The following CDH12 variants were observed in gnomAD, a reference collection of about 807,000 sequenced individuals.
CDH12 encodes the protein cadherin 12.
Under a neutral mutation model 74.1 loss-of-function variants are expected in CDH12, and 41 were observed. The ratio of observed to expected loss-of-function variants is 0.55; its 90% CI spans 0.43 to 0.72. CDH12 has a LOEUF of 0.72. Ranked by LOEUF, CDH12 falls within the 30% of genes least tolerant of loss-of-function variation. The pLI is 0.00. For missense variants in CDH12, 945 were observed against 977.2 expected (o/e 0.97, Z 0.44); for synonymous variants, 399 against 355.0 (o/e 1.12, Z -1.39).
intron 10 of CDH12, among the ~76,000 whole-genome samples, chr5:21,787,970 T>C (rs1746286748): frequency 6.6e-6 from 1 of 152,186 alleles, no homozygotes; most frequent in East Asian, 1.9e-4. Context: ...AAACTCCTTA[T>C]TAACTGTAGT....
intron 3 of CDH12, among the ~76,000 whole-genome samples, chr5:22,387,156 C>T (rs529668277): frequency 6.6e-6 from 1 of 151,776 alleles, no homozygotes; most frequent in South Asian, 2.1e-4. Flanking sequence ...TTTTTCTTGC[C>T]AAAATGTTTA....
intron 5 of CDH12, among the ~76,000 whole-genome samples, chr5:22,062,827 A>T (rs1258012455): frequency 2.6e-5 from 4 of 152,176 alleles, no homozygotes; most frequent in Non-Finnish European, 5.9e-5. Flanking sequence ...AACTTGAGAC[A>T]TACTTCTATG....
intron 6 of CDH12, among the ~76,000 whole-genome samples, chr5:21,944,664 C>A (rs1480659815): frequency 1.3e-5 from 2 of 152,196 alleles, no homozygotes; most frequent in African/African-American, 4.8e-5. Context: ...TGTTCTTACA[C>A]AGCTTCTTCC....
chr5:22,740,226 C>T (rs1213017683), intron 1 of CDH12, among the ~76,000 whole-genome samples: 1 of 151,984 alleles, frequency 6.6e-6, no homozygotes, highest in Non-Finnish European at 1.5e-5. Flanking sequence ...CTCCTGATTC[C>T]TTAGTTTTAT....
intron 4 of CDH12, among the ~76,000 whole-genome samples, chr5:22,207,760 A>G (rs953410242): frequency 5.9e-5 from 9 of 152,196 alleles, no homozygotes; most frequent in African/African-American, 1.9e-4. Flanking sequence ...GTATGCCCCA[A>G]AATTCAAAAT....
intron 1 of CDH12, among the ~76,000 whole-genome samples, chr5:22,719,663 C>A (rs1743775309): frequency 6.6e-6 from 1 of 152,056 alleles, no homozygotes; most frequent in Non-Finnish European, 1.5e-5. Context: ...CAGGAGGCAG[C>A]AAGGTATTAG....
chr5:21,872,974 GA>G (rs931683026), intron 6 of CDH12, among the ~76,000 whole-genome samples: 3 of 150,330 alleles, frequency 2.0e-5, no homozygotes, highest in African/African-American at 7.3e-5. Flanking sequence ...TTAAGTAAAA[GA>G]AAAAAACATA....
rs114158950 is a variant in CDH12 at position 21,893,712 on chromosome 5, T to C, written c.527-38922A>G. On this transcript the variant is annotated intron_variant, in intron 6 of 14. Transcript: ENST00000382254. ...ATATATTTTCTTATCTACTGATATATAGAAACAAGCAAGTGCAACATTAAG... is the reference window on the plus strand; with the variant it reads ...ATATATTTTCTTATCTACTGATATACAGAAACAAGCAAGTGCAACATTAAG... Among the ~76,000 whole-genome samples, 913 of 152,328 alleles carry C rather than the reference T, an allele frequency of 6.0e-3. 3 individuals are homozygous for C. Among genetic ancestry groups the C allele is most frequent in the Non-Finnish European group, 9.4e-3 (641 of 68,018 alleles).
At chr5:22,329,877 T>C (rs982791915) in intron 3 of CDH12, among the ~76,000 whole-genome samples, 5 of 152,286 alleles carry the variant, frequency 3.3e-5, no homozygotes, top group African/African-American at 1.2e-4. Flanking sequence ...CCTGCCACTG[T>C]GGACTGAAGT....
chr5:22,253,160 AAT>A (rs1419009079), intron 3 of CDH12, among the ~76,000 whole-genome samples: 1 of 151,956 alleles, frequency 6.6e-6, no homozygotes, highest in East Asian at 1.9e-4. Context: ...TATGCAATAT[AAT>A]ATACTAATGT....
Position 22,304,207 on chromosome 5 carries a change from G to A in CDH12, c.-332-91564C>T, listed in dbSNP as rs73054002. ...CAGTTTGGAGAGTTAACGAGATGCC[G>A]TAAATAATTGTGTAGAAACCAAGGC... On this transcript the variant is annotated intron_variant, in intron 3 of 14. Transcript: ENST00000382254. Among the ~76,000 whole-genome samples, 764 of 152,206 alleles carry A rather than the reference G, an allele frequency of 5.0e-3. 8 individuals are homozygous for A. Among genetic ancestry groups the A allele is most frequent in the African/African-American group, 0.016 (646 of 41,530 alleles).
intron 1 of CDH12, among the ~76,000 whole-genome samples, chr5:22,689,992 C>T (rs1273480568): frequency 6.6e-6 from 1 of 151,952 alleles, no homozygotes; most frequent in East Asian, 1.9e-4. Flanking sequence ...TGGTATTTCA[C>T]CTGGTTTTCA....
At chr5:22,598,554 G>A (rs931752233) in intron 1 of CDH12, among the ~76,000 whole-genome samples, 14 of 152,082 alleles carry the variant, frequency 9.2e-5, no homozygotes, top group African/African-American at 3.1e-4. Context: ...AAATTACCCA[G>A]TTTGGGGTAT....
chr5:21,879,389 T>G (rs530992791), intron 6 of CDH12, among the ~76,000 whole-genome samples: 57 of 148,810 alleles, frequency 3.8e-4, no homozygotes, highest in Non-Finnish European at 6.5e-4. Flanking sequence ...CAGGGAACAG[T>G]GAACTTAACC....
intron 3 of CDH12, among the ~76,000 whole-genome samples, chr5:22,306,943 T>G (rs1257195450): frequency 3.3e-5 from 5 of 152,230 alleles, no homozygotes; most frequent in Non-Finnish European, 7.3e-5. Context: ...AGTGTTTTAT[T>G]AAGCTGCTAT....
intron 1 of CDH12, among the ~76,000 whole-genome samples, chr5:22,711,306 ATAAG>A (rs1232439665): frequency 6.6e-6 from 1 of 152,132 alleles, no homozygotes; most frequent in Non-Finnish European, 1.5e-5. Flanking sequence ...ACCAAGGTGG[ATAAG>A]TAAGTGGATA....
intron 1 of CDH12, among the ~76,000 whole-genome samples, chr5:22,676,360 A>G (rs1208768131): frequency 6.6e-6 from 1 of 152,188 alleles, no homozygotes; most frequent in Non-Finnish European, 1.5e-5. Flanking sequence ...GCTTTTGTTC[A>G]GAGACCTTAT....
intron 6 of CDH12, among the ~76,000 whole-genome samples, chr5:21,857,488 C>A (rs1411002825): frequency 1.3e-5 from 2 of 151,652 alleles, no homozygotes; most frequent in Non-Finnish European, 2.9e-5. Context: ...TGTTCAGTAA[C>A]AAATTAGTGT....
At chr5:22,355,474 C>A (rs546543780) in intron 3 of CDH12, among the ~76,000 whole-genome samples, 15 of 149,420 alleles carry the variant, frequency 1.0e-4, no homozygotes, top group African/African-American at 2.9e-4. Flanking sequence ...CTGCTGAACA[C>A]CCAGACTATT....
Sources: allele counts gnomAD v4.1 joint callset (sites outside exome capture counted in the v4.1 genomes callset), GRCh38; gene constraint gnomAD v4.1.1; transcripts MANE v1.5; gene names NCBI Gene and HGNC (gene_info 2026-07-23, HGNC 2026-07-21).